The following UNC13C variants were observed in gnomAD, a reference collection of about 807,000 sequenced individuals.
UNC13C encodes the protein protein unc-13 homolog C.
In UNC13C, 174 loss-of-function variants were observed where a neutral mutation model predicts 245.4. That is an observed-to-expected ratio of 0.71 (90% CI 0.63 to 0.80). UNC13C has a LOEUF of 0.80. UNC13C is among the 30% of genes least tolerant of loss of function. The probability of loss-of-function intolerance (pLI) is 0.00; values close to 1 mark genes in which losing one functional copy is unlikely to be tolerated. For synonymous variants in UNC13C, 992 were observed against 895.1 expected (o/e 1.11, Z -1.93); for missense variants, 2,829 against 2,602.9 (o/e 1.09, Z -1.89).
intron 30 of UNC13C, among the ~76,000 whole-genome samples, chr15:54,610,026 A>G (rs1899991806): frequency 6.6e-6 from 1 of 152,116 alleles, no homozygotes; most frequent in Admixed American, 6.5e-5. Context: ...GGTCCCTCCA[A>G]TGACATGGGG....
intron 17 of UNC13C, among the ~76,000 whole-genome samples, chr15:54,360,364 T>C (rs2039202695): frequency 6.6e-6 from 1 of 152,112 alleles, no homozygotes. Context: ...TTGTTGATTT[T>C]CTGCCTGAAC....
In UNC13C at chr15:54,455,204, T is replaced by TCTCTCC. The variant is rs1243356325; in HGVS notation, c.4934-39402_4934-39401insCTCCCT. On this transcript the variant is annotated intron_variant, in intron 19 of 32. Transcript: ENST00000260323. The stretch of plus-strand genomic sequence containing the variant: ...CTCTCTCTCTCTCTCTCTCTCTCTC[T>TCTCTCC]CTATATATATATATATATATATATA... Among the ~76,000 whole-genome samples, 65 of 53,810 alleles carry TCTCTCC rather than the reference T, an allele frequency of 1.2e-3. 5 individuals carry two copies. The highest frequency in any genetic ancestry group is 6.8e-3 in the East Asian group (9 of 1,322). 35.3% of individuals were successfully genotyped at this position (53,810 alleles called of 152,430 possible).
chr15:54,503,908 A>G (rs1894347951), intron 22 of UNC13C, among the ~76,000 whole-genome samples: 1 of 152,128 alleles, frequency 6.6e-6, no homozygotes, highest in African/African-American at 2.4e-5. Context: ...TCTCCTGGAG[A>G]TCAGACACAT....
At chr15:54,296,154 C>T (rs954165410) in intron 11 of UNC13C, among the ~76,000 whole-genome samples, 1 of 151,998 alleles carries the variant, frequency 6.6e-6, no homozygotes, top group Non-Finnish European at 1.5e-5. Context: ...CAAAAAAGAC[C>T]CTAGGTCTTG....
intron 2 of UNC13C, among the ~76,000 whole-genome samples, chr15:54,110,727 A>C (rs1457777766): frequency 6.6e-6 from 1 of 152,224 alleles, no homozygotes; most frequent in East Asian, 1.9e-4. Context: ...TTTTTGTGTG[A>C]ATTTTCTTTG....
chr15:54,439,966 C>T (rs897315043), intron 19 of UNC13C, among the ~76,000 whole-genome samples: 4 of 152,086 alleles, frequency 2.6e-5, no homozygotes, highest in South Asian at 2.1e-4. Flanking sequence ...TTCTCAGTTT[C>T]TGGTATCTCT....
intron 30 of UNC13C, among the ~76,000 whole-genome samples, chr15:54,586,911 G>T (rs954253307): frequency 2.0e-5 from 3 of 152,152 alleles, no homozygotes; most frequent in Non-Finnish European, 4.4e-5. Flanking sequence ...GGATCATCCA[G>T]ATAATCAATG....
chr15:54,147,705 G>GGTGT (rs10630632), intron 4 of UNC13C, among the ~76,000 whole-genome samples: 97,011 of 149,592 alleles, frequency 0.65, 31,954 homozygotes, highest in Non-Finnish European at 0.72. Context: ...CATCACAAGG[G>GGTGT]GTGTGTGTGT....
chr15:54,264,250 C>T lies in UNC13C; in HGVS notation c.3531C>T (p.Ile1177=), dbSNP rs753628174. The change falls in exon 9 of 33, where the codon ATC becomes ATT. Residue 1177 remains isoleucine, a synonymous_variant. Transcript: ENST00000260323. ...CAGCAATGAAAGAAAGAATGAAGAT[C>T]AGGGAGAAAAACCGGCCAGAAGTAT... ...IITAMKERMK[I]REKNRPEVFE... is the part of the protein sequence containing the mutation. 11 of 1,597,952 alleles carry T rather than the reference C, an allele frequency of 6.9e-6. No individual in the cohort carries two copies. Among genetic ancestry groups the T allele is most frequent in the Non-Finnish European group, 8.5e-6 (10 of 1,171,812 alleles).
At chr15:53,963,207 C>A in the UNC13C span, among the ~76,000 whole-genome samples, 3 of 152,204 alleles carry the variant, frequency 2.0e-5, no homozygotes, top group East Asian at 1.9e-4. Flanking sequence ...CCCCCACTTA[C>A]ACTCACACAA....
chr15:54,232,256 T>C lies in UNC13C; in HGVS notation c.3072-2774T>C, dbSNP rs144911548. Among the ~76,000 whole-genome samples, 288 of 152,258 alleles carry C rather than the reference T, an allele frequency of 1.9e-3. 1 individual carries two copies. The highest frequency in any genetic ancestry group is 6.6e-3 in the African/African-American group (276 of 41,570). ...AGGTTGAGAAAGTGTTTTCATTGTC[T>C]TGCAATTTTCCAAATTATAAAATGT... On this transcript the variant is annotated intron_variant, in intron 4 of 32. Transcript: ENST00000260323.
intron 8 of UNC13C, among the ~76,000 whole-genome samples, chr15:54,258,251 T>C (rs928695110): frequency 6.6e-6 from 1 of 152,076 alleles, no homozygotes; most frequent in Non-Finnish European, 1.5e-5. Context: ...ATCTAGCAAA[T>C]AGATATAGAG....
intron 4 of UNC13C, among the ~76,000 whole-genome samples, chr15:54,188,891 G>A (rs28664146): frequency 0.098 from 14,915 of 152,124 alleles, 1,162 homozygotes; most frequent in African/African-American, 0.21. Context: ...GCTTATCTTA[G>A]GAAGAAATGC....
chr15:54,367,037 T>G (rs1025158732), intron 17 of UNC13C, among the ~76,000 whole-genome samples: 27 of 152,194 alleles, frequency 1.8e-4, no homozygotes, highest in African/African-American at 6.3e-4. Flanking sequence ...ATGCATGTAA[T>G]TTAATTATGC....
the UNC13C span, among the ~76,000 whole-genome samples, chr15:53,893,597 G>T: frequency 2.6e-5 from 4 of 152,226 alleles, no homozygotes; most frequent in Non-Finnish European, 5.9e-5. Flanking sequence ...GCCTTGCTGA[G>T]CTGCAGTGGG....
rs535745015 is a variant in UNC13C, at chr15:54,076,599, T to G, written c.2983+60713T>G. Among the ~76,000 whole-genome samples, 8 of 146,518 alleles carry G rather than the reference T, an allele frequency of 5.5e-5. No homozygotes were observed. The East Asian group carries it at 1.4e-3, about 25-fold the overall frequency. ...CCTGGAAAACACCACATTTATTGGG[T>G]AGTGGAAATAGAATAGGAGGTTGCT... On this transcript the variant is annotated intron_variant, in intron 2 of 32. Transcript: ENST00000260323.
At chr15:53,964,490 C>CA in the UNC13C span, among the ~76,000 whole-genome samples, 1 of 152,002 alleles carries the variant, frequency 6.6e-6, no homozygotes, top group Non-Finnish European at 1.5e-5. Flanking sequence ...ACTGGGTAGC[C>CA]AATATTTTTC....
intron 2 of UNC13C, among the ~76,000 whole-genome samples, chr15:54,059,080 C>T (rs1436880354): frequency 6.6e-6 from 1 of 152,108 alleles, no homozygotes; most frequent in Non-Finnish European, 1.5e-5. Flanking sequence ...CTTTACCCCT[C>T]CTATTCAACA....
chr15:54,590,325 A>G (rs139720263), intron 30 of UNC13C, among the ~76,000 whole-genome samples: 34 of 152,294 alleles, frequency 2.2e-4, no homozygotes, highest in African/African-American at 7.7e-4. Flanking sequence ...GCTCTGAAGA[A>G]TGATGGTGGT....
Sources: allele counts gnomAD v4.1 joint callset (sites outside exome capture counted in the v4.1 genomes callset), GRCh38; gene constraint gnomAD v4.1.1; transcripts MANE v1.5; gene names NCBI Gene and HGNC (gene_info 2026-07-23, HGNC 2026-07-21).